Variants in PROM1 observed in about 807,000 individuals in gnomAD.
The protein encoded by PROM1 is prominin 1, also known as prominin-1.
A neutral mutation model predicts 116.9 loss-of-function variants in PROM1; 105 were observed. The observed-to-expected ratio is 0.90, with a 90% confidence interval of 0.77 to 1.06. PROM1 has a LOEUF of 1.06. Ranked by LOEUF, PROM1 falls within the 50% of genes least tolerant of loss-of-function variation. The pLI is 0.00. For synonymous variants in PROM1, 393 were observed against 387.0 expected, an observed-to-expected ratio of 1.02 and a Z score of -0.18; for missense variants, 1,122 against 1,045.2, an observed-to-expected ratio of 1.07 and a Z score of -1.01.
intron 2 of PROM1, among the ~76,000 whole-genome samples, chr4:16,044,957 G>A (rs569070049): frequency 4.6e-5 from 7 of 152,126 alleles, no homozygotes; most frequent in Non-Finnish European, 8.8e-5. Flanking sequence ...AAGATTGAGA[G>A]GCATCTTGCC....
At chr4:16,075,300 C>A (rs10011117) in intron 2 of PROM1, among the ~76,000 whole-genome samples, 105,577 of 152,028 alleles carry the variant, frequency 0.69, 37,947 homozygotes, top group Non-Finnish European at 0.8. Context: ...ATGAGGTGGC[C>A]ATCAGTTGCT....
rs773039992 is a variant in PROM1, at chr4:16,009,072, A to G, written c.1178T>C (p.Ile393Thr). 1 of 1,612,618 alleles carries G rather than the reference A, an allele frequency of 6.2e-7. No individual in the cohort carries two copies. Among genetic ancestry groups the G allele is most frequent in the Admixed American group, 1.7e-5 (1 of 60,014 alleles). Residue 393 changes from isoleucine to threonine, a missense_variant, in exon 12 of 28, where the codon ATC (isoleucine) becomes ACC (threonine). Physicochemically the swap from Ile to Thr is moderately conservative, Grantham distance 89. Transcript: ENST00000447510. ...AGGAAGACGCTGAGTTACATTGTCG[A>G]TATCTGAACCAATGGAATTCAAGAC... is the stretch of plus-strand genomic sequence containing the variant. ...KRVLNSIGSD[I>T]DNVTQRLPIQ...
At chr4:16,016,904 C>T (rs2531153) in intron 9 of PROM1, among the ~76,000 whole-genome samples, 135,033 of 151,866 alleles carry the variant, frequency 0.89, 60,398 homozygotes, top group Middle Eastern at 0.94. Flanking sequence ...AGAGACATGA[C>T]AATAAATGAC....
At chr4:15,981,440 T>TG (rs1717920931) in intron 23 of PROM1, among the ~76,000 whole-genome samples, 1 of 151,590 alleles carries the variant, frequency 6.6e-6, no homozygotes, top group African/African-American at 2.4e-5. Flanking sequence ...GGCATGGTGG[T>TG]GTGTGCCTGT....
At chr4:15,975,148 C>T (rs1355557618) in intron 26 of PROM1, among the ~76,000 whole-genome samples, 1 of 152,158 alleles carries the variant, frequency 6.6e-6, no homozygotes, top group African/African-American at 2.4e-5. Flanking sequence ...TAAGGGTTTA[C>T]AGTGGTCAAA....
At chr4:16,003,244 C>A in intron 13 of PROM1, 1 of 455,858 alleles carries the variant, frequency 2.2e-6, no homozygotes, top group East Asian at 7.0e-5. Flanking sequence ...CACTCTTCTA[C>A]AGCTGGACAT....
intron 3 of PROM1, 138 bp downstream of exon 3, chr4:16,038,808 C>T (rs1423839662): frequency 2.3e-6 from 2 of 856,372 alleles, no homozygotes; most frequent in Non-Finnish European, 3.3e-6. Flanking sequence ...GTTCAATATT[C>T]CATGAAAGTT....
intron 2 of PROM1, among the ~76,000 whole-genome samples, chr4:16,054,517 A>T (rs1738563752): frequency 6.6e-6 from 1 of 152,212 alleles, no homozygotes; most frequent in African/African-American, 2.4e-5. Flanking sequence ...CCATAAATCA[A>T]GTGATCCTGA....
At chr4:16,019,197 A>ACC (rs940288785) in intron 8 of PROM1, among the ~76,000 whole-genome samples, 6 of 152,052 alleles carry the variant, frequency 3.9e-5, no homozygotes, top group African/African-American at 9.7e-5. Flanking sequence ...TGCAAACCCT[A>ACC]CCCCCTAGGA....
chr4:16,072,604 G>GTA, intron 2 of PROM1, among the ~76,000 whole-genome samples: 1 of 152,222 alleles, frequency 6.6e-6, no homozygotes, highest in South Asian at 2.1e-4. Context: ...TTGAAACAAA[G>GTA]ACAGTAACAG....
At chr4:16,069,739 A>G (rs1742371049) in intron 2 of PROM1, among the ~76,000 whole-genome samples, 1 of 152,224 alleles carries the variant, frequency 6.6e-6, no homozygotes, top group South Asian at 2.1e-4. Flanking sequence ...GAAAAACTTT[A>G]GACAAATTAG....
chr4:16,033,177 G>T, intron 5 of PROM1, 127 bp downstream of exon 5: 1 of 789,454 alleles, frequency 1.3e-6, no homozygotes, highest in Non-Finnish European at 2.0e-6. Context: ...TCTCTTTTCT[G>T]TTTGGTGGGT....
intron 8 of PROM1, among the ~76,000 whole-genome samples, chr4:16,021,498 G>A (rs1183056082): frequency 6.6e-6 from 1 of 152,180 alleles, no homozygotes; most frequent in Non-Finnish European, 1.5e-5. Flanking sequence ...GGTGGGCCTG[G>A]AATGACTCCC....
At chr4:16,065,218 A>T (rs1741247766) in intron 2 of PROM1, among the ~76,000 whole-genome samples, 1 of 152,086 alleles carries the variant, frequency 6.6e-6, no homozygotes, top group Admixed American at 6.6e-5. Flanking sequence ...TATGCCTCCA[A>T]GCTACTCCTC....
intron 7 of PROM1, among the ~76,000 whole-genome samples, 194 bp downstream of exon 7, chr4:16,024,100 GC>G (rs1404426756): frequency 1.3e-5 from 2 of 152,208 alleles, no homozygotes; most frequent in African/African-American, 4.8e-5. Flanking sequence ...AGGTCCTGCT[GC>G]CTGTGAAACA....
At chr4:16,050,573 C>G (rs976941557) in intron 2 of PROM1, among the ~76,000 whole-genome samples, 1 of 152,108 alleles carries the variant, frequency 6.6e-6, no homozygotes, top group African/African-American at 2.4e-5. Context: ...GGGGTGGTCT[C>G]GAACTCCTGG....
chr4:16,033,933 T>C (rs1394508946), intron 4 of PROM1, among the ~76,000 whole-genome samples: 1 of 151,992 alleles, frequency 6.6e-6, no homozygotes, highest in Non-Finnish European at 1.5e-5. Context: ...ATGTATTTTT[T>C]TCCATTTTGA....
chr4:16,035,585 TACAG>T (rs1269394490), intron 4 of PROM1, 146 bp downstream of exon 4: 1 of 795,536 alleles, frequency 1.3e-6, no homozygotes, highest in Non-Finnish European at 2.1e-6. Flanking sequence ...ATGTAAATAT[TACAG>T]AGATATCTTT....
rs1713574622 is a variant in PROM1 at position 15,968,318 on chromosome 4, T to C, written c.*1075A>G. Reference sequence around the variant, plus strand: ...GGGAATGCCTACATCTGGAATTTCATTACATCAACGTTAAATTTTGTCCGA... The same window carrying C: ...GGGAATGCCTACATCTGGAATTTCACTACATCAACGTTAAATTTTGTCCGA... On this transcript the variant is annotated 3_prime_UTR_variant, in exon 28 of 28. Coordinates refer to ENST00000447510, the MANE Select transcript of PROM1 (RefSeq NM_006017.3). The C allele has an allele frequency of 1.3e-5, 2 of 152,216 alleles. No homozygotes were observed. Among genetic ancestry groups the C allele is most frequent in the Admixed American group, 1.3e-4 (2 of 15,286 alleles). The allele number at this position is 152,216 out of a possible 1,614,324, so 9.4% of individuals were successfully genotyped here.
Sources: allele counts gnomAD v4.1 joint callset (sites outside exome capture counted in the v4.1 genomes callset), GRCh38; gene constraint gnomAD v4.1.1; transcripts MANE v1.5; gene names NCBI Gene and HGNC (gene_info 2026-07-23, HGNC 2026-07-21).